Variants in PITPNC1 observed in about 807,000 individuals in gnomAD.
The protein encoded by PITPNC1 is cytoplasmic phosphatidylinositol transfer protein 1.
Under a neutral mutation model 44.7 loss-of-function variants are expected in PITPNC1, and 18 were observed. The ratio of observed to expected loss-of-function variants is 0.40; its 90% confidence interval spans 0.28 to 0.60. PITPNC1 has a LOEUF of 0.60. Ranked by LOEUF, PITPNC1 falls within the 20% of genes least tolerant of loss-of-function variation. The pLI, the probability that PITPNC1 is intolerant of heterozygous loss-of-function variation, is 0.39. For missense variants in PITPNC1, 290 were observed against 418.4 expected, an observed-to-expected ratio of 0.69 and a Z score of 2.68; for synonymous variants, 141 against 149.6, an observed-to-expected ratio of 0.94 and a Z score of 0.42.
At chr17:67,660,384 T>C (rs571546735) in intron 6 of PITPNC1, among the ~76,000 whole-genome samples, 97 of 152,266 alleles carry the variant, frequency 6.4e-4, no homozygotes, top group Admixed American at 4.4e-3. Context: ...GACTATAGGA[T>C]TGGATACATT....
At chr17:67,388,894 C>T (rs532954149) in intron 1 of PITPNC1, among the ~76,000 whole-genome samples, 4 of 152,284 alleles carry the variant, frequency 2.6e-5, no homozygotes, top group Admixed American at 1.3e-4. Context: ...TGAGCCACCG[C>T]GCCTGGCAGT....
At chr17:67,670,153 A>G (rs534499902) in intron 7 of PITPNC1, among the ~76,000 whole-genome samples, 4 of 152,270 alleles carry the variant, frequency 2.6e-5, no homozygotes, top group African/African-American at 7.2e-5. Flanking sequence ...CATAGGTTCA[A>G]TTTTCTTCCA....
intron 6 of PITPNC1, among the ~76,000 whole-genome samples, chr17:67,650,640 G>A (rs905248576): frequency 9.9e-5 from 15 of 151,870 alleles, no homozygotes; most frequent in African/African-American, 1.7e-4. Context: ...TAGTAGAGAC[G>A]GGGTTTCACC....
At chr17:67,528,670 G>C (rs2040421353) in intron 1 of PITPNC1, among the ~76,000 whole-genome samples, 1 of 152,212 alleles carries the variant, frequency 6.6e-6, no homozygotes, top group African/African-American at 2.4e-5. Flanking sequence ...GCTGATGGCT[G>C]CCTTCACCAC....
chr17:67,487,052 G>C (rs1181504481), intron 1 of PITPNC1, among the ~76,000 whole-genome samples: 1 of 151,938 alleles, frequency 6.6e-6, no homozygotes, highest in Non-Finnish European at 1.5e-5. Context: ...GAGTACTGTG[G>C]AATTCATTCT....
intron 1 of PITPNC1, among the ~76,000 whole-genome samples, chr17:67,409,376 G>A (rs999590883): frequency 1.3e-5 from 2 of 152,086 alleles, no homozygotes; most frequent in Admixed American, 6.6e-5. Flanking sequence ...GAGCCACCGC[G>A]CCCGGCCCCA....
At chr17:67,425,186 T>TGCGCGC (rs1386197600) in intron 1 of PITPNC1, among the ~76,000 whole-genome samples, 624 of 55,610 alleles carry the variant, frequency 0.011, 38 homozygotes, top group Admixed American at 0.017. Context: ...AGCCATGTTG[T>TGCGCGC]GCGCGCGCAC....
intron 1 of PITPNC1, among the ~76,000 whole-genome samples, chr17:67,524,046 G>A (rs956176203): frequency 6.6e-6 from 1 of 152,068 alleles, no homozygotes; most frequent in Non-Finnish European, 1.5e-5. Context: ...TCCTGACCTC[G>A]TGATCCACCC....
intron 1 of PITPNC1, among the ~76,000 whole-genome samples, chr17:67,415,447 C>T (rs531133596): frequency 2.2e-4 from 34 of 152,342 alleles, no homozygotes; most frequent in African/African-American, 7.2e-4. Context: ...TATTACCAGT[C>T]TAAGCCCCTT....
chr17:67,557,312 A>T (rs1200423356), intron 4 of PITPNC1, among the ~76,000 whole-genome samples: 1 of 151,758 alleles, frequency 6.6e-6, no homozygotes, highest in Non-Finnish European at 1.5e-5. Flanking sequence ...ATCTCCAAAC[A>T]CCATTGCACT....
At chr17:67,385,681 A>G (rs2038035570) in intron 1 of PITPNC1, among the ~76,000 whole-genome samples, 1 of 152,040 alleles carries the variant, frequency 6.6e-6, no homozygotes, top group Admixed American at 6.6e-5. Context: ...GGAAGGAACC[A>G]TCTCCGGACA....
At chr17:67,537,941 C>T (rs2040552387) in intron 2 of PITPNC1, among the ~76,000 whole-genome samples, 1 of 150,940 alleles carries the variant, frequency 6.6e-6, no homozygotes. Context: ...CAGTGCACTC[C>T]AGCCTGGGCG....
chr17:67,417,758 G>C (rs2038609238), intron 1 of PITPNC1, among the ~76,000 whole-genome samples: 1 of 152,080 alleles, frequency 6.6e-6, no homozygotes, highest in South Asian at 2.1e-4. Context: ...TGAAGTCAAT[G>C]GGGGCTGGGT....
chr17:67,415,713 A>G (rs1005488612), intron 1 of PITPNC1, among the ~76,000 whole-genome samples: 1 of 151,850 alleles, frequency 6.6e-6, no homozygotes, highest in Admixed American at 6.6e-5. Flanking sequence ...AAAATGTTAC[A>G]TTTTTTTTGG....
chr17:67,597,731 G>A lies in PITPNC1; in HGVS notation c.366+19474G>A, dbSNP rs1001031626. Among the ~76,000 whole-genome samples the A allele has an allele frequency of 1.3e-5, 2 of 152,196 alleles. No homozygotes were observed. The highest frequency in any genetic ancestry group is 4.8e-5 in the African/African-American group (2 of 41,444). ...AAACATCTATTCGGCACCAGGGGTT[G>A]TTAGGCTGGTGGAAGGGACAGGTAC... On this transcript the variant is annotated intron_variant, in intron 5 of 8. Transcript: ENST00000581322. This position sits in a 1 kb window ranked among gnomAD's most constrained non-coding sequence, Gnocchi z 4.0.
chr17:67,437,978 G>T (rs1429637078), intron 1 of PITPNC1, among the ~76,000 whole-genome samples: 1 of 151,924 alleles, frequency 6.6e-6, no homozygotes, highest in Non-Finnish European at 1.5e-5. Context: ...CCAAGGCAGA[G>T]AATTGCCTGA....
chr17:67,684,723 C>T (rs1399383203), intron 8 of PITPNC1, among the ~76,000 whole-genome samples: 1 of 152,120 alleles, frequency 6.6e-6, no homozygotes, highest in African/African-American at 2.4e-5. Flanking sequence ...TAATTTTTAA[C>T]AATTGCATAG....
intron 1 of PITPNC1, among the ~76,000 whole-genome samples, chr17:67,466,452 G>A (rs916340235): frequency 6.6e-6 from 1 of 152,140 alleles, no homozygotes; most frequent in Admixed American, 6.5e-5. Flanking sequence ...CCCATTAGTA[G>A]CTGAAACTCA....
chr17:67,469,303 C>G (rs2039477901), intron 1 of PITPNC1, among the ~76,000 whole-genome samples: 1 of 152,162 alleles, frequency 6.6e-6, no homozygotes, highest in Non-Finnish European at 1.5e-5. Context: ...CTGTGCCATC[C>G]TCCCCCTTCT....
Sources: allele counts gnomAD v4.1 joint callset (sites outside exome capture counted in the v4.1 genomes callset), GRCh38; gene constraint gnomAD v4.1.1; non-coding constraint Gnocchi (gnomAD v3.1); transcripts MANE v1.5; gene names NCBI Gene and HGNC (gene_info 2026-07-23, HGNC 2026-07-21).